Variants in FMNL3 observed in about 807,000 individuals in gnomAD.
FMNL3 encodes the protein formin-like protein 3.
Under a neutral mutation model 119.6 loss-of-function variants are expected in FMNL3, and 57 were observed. The observed-to-expected ratio is 0.48, with a 90% CI of 0.39 to 0.59. The LOEUF (loss-of-function observed/expected upper bound fraction) is 0.59. Ranked by LOEUF, FMNL3 falls within the 20% of genes least tolerant of loss-of-function variation. FMNL3 has a pLI of 0.00. For missense variants in FMNL3, 1,053 were observed against 1,323.5 expected, an observed-to-expected ratio of 0.80 and a Z score of 3.17; for synonymous variants, 491 against 507.3, an observed-to-expected ratio of 0.97 and a Z score of 0.43.
chr12:49,669,583 G>A (rs532967898), intron 1 of FMNL3, among the ~76,000 whole-genome samples: 1 of 152,306 alleles, frequency 6.6e-6, no homozygotes, highest in East Asian at 1.9e-4. Flanking sequence ...TGTAATCCCA[G>A]CACTTTGGGA....
intron 1 of FMNL3, among the ~76,000 whole-genome samples, chr12:49,686,895 C>G (rs1442115375): frequency 1.3e-5 from 2 of 152,164 alleles, no homozygotes; most frequent in Non-Finnish European, 2.9e-5. Context: ...CCACCTGAGG[C>G]TAGGAGCCAG....
intron 1 of FMNL3, among the ~76,000 whole-genome samples, chr12:49,692,605 C>T (rs1020690699): frequency 2.0e-5 from 3 of 152,084 alleles, no homozygotes; most frequent in African/African-American, 7.2e-5. Flanking sequence ...ATACAGTCTT[C>T]TAATTGCCTT....
At chr12:49,689,175 T>G (rs907136253) in intron 1 of FMNL3, among the ~76,000 whole-genome samples, 1 of 152,194 alleles carries the variant, frequency 6.6e-6, no homozygotes, top group African/African-American at 2.4e-5. Context: ...AAGAATTAGT[T>G]CAAAACTTGC....
In FMNL3 at chr12:49,637,061, C is replaced by T. The variant is rs368203210; in HGVS notation, c.*8754G>A. On this transcript the variant is annotated 3_prime_UTR_variant, in exon 26 of 26. Transcript: ENST00000335154. ...CTTCTAGGGAGACTAGATGTATGCA[C>T]CACCCAGAAACTGCCAGTAGAGAGC... is the stretch of plus-strand genomic sequence containing the variant. 268 of 729,550 alleles carry T rather than the reference C, an allele frequency of 3.7e-4. No individual in the cohort carries two copies. The African/African-American group carries it at 4.2e-3, about 12-fold the overall frequency. The allele number at this position is 729,550 out of a possible 1,614,324, so 45.2% of individuals were successfully genotyped here. A position where few individuals can be genotyped will look rare whatever the true frequency, so the allele number is the denominator to read the frequency against.
At chr12:49,672,475 A>G (rs1055133765) in intron 1 of FMNL3, among the ~76,000 whole-genome samples, 1 of 152,258 alleles carries the variant, frequency 6.6e-6, no homozygotes, top group African/African-American at 2.4e-5. Context: ...TAATGGGAAG[A>G]AGCCGAAAGG....
In FMNL3 at chr12:49,644,479, T is replaced by C. The variant is rs1024077449; in HGVS notation, c.*1336A>G. The C allele has an allele frequency of 1.4e-5, 6 of 426,952 alleles. No homozygotes were observed. The highest frequency in any genetic ancestry group is 1.2e-4 in the African/African-American group (6 of 49,676). The allele number at this position is 426,952 out of a possible 1,614,324, so 26.4% of individuals were successfully genotyped here. A position where few individuals can be genotyped will look rare whatever the true frequency, so the allele number is the denominator to read the frequency against. On this transcript the variant is annotated 3_prime_UTR_variant, in exon 26 of 26. Coordinates refer to ENST00000335154, the MANE Select transcript of FMNL3 (RefSeq NM_175736.5). ...GTAGATAAAAGTGTGAGAGAAGGGG[T>C]CTCCAGGGAAGAGTCACAGGCTGTT...
At chr12:49,672,555 C>T in intron 1 of FMNL3, among the ~76,000 whole-genome samples, 1 of 152,250 alleles carries the variant, frequency 6.6e-6, no homozygotes, top group East Asian at 1.9e-4. Context: ...TCTCCCTGCA[C>T]AATGGGGTGC....
At chr12:49,681,153 CT>C (rs1322088439) in intron 1 of FMNL3, among the ~76,000 whole-genome samples, 1 of 152,266 alleles carries the variant, frequency 6.6e-6, no homozygotes, top group Non-Finnish European at 1.5e-5. Flanking sequence ...TGCAAGGAAA[CT>C]TGTCCTCTTG....
In FMNL3 at chr12:49,687,096, C is replaced by CTTT. The variant is rs35284603; in HGVS notation, c.127-18545_127-18543dup. On this transcript the variant is annotated intron_variant, in intron 1 of 25. Transcript: ENST00000335154. ...TCTTATCTAAATATCTTCCCCATTCCTTTTTTTTTTTTTTTTGAGACGGAG... is the reference window on the plus strand; with the variant it reads ...TCTTATCTAAATATCTTCCCCATTCCTTTTTTTTTTTTTTTTTTTGAGACGGAG... Among the ~76,000 whole-genome samples, 51 of 142,358 alleles carry CTTT rather than the reference C, an allele frequency of 3.6e-4. 2 individuals are homozygous for CTTT. Among genetic ancestry groups the CTTT allele is most frequent in the African/African-American group, 7.0e-4 (27 of 38,822 alleles). 93.4% of individuals were successfully genotyped at this position (142,358 alleles called of 152,430 possible). A position where few individuals can be genotyped will look rare whatever the true frequency, so the allele number is the denominator to read the frequency against.
At chr12:49,672,080 G>T (rs931586561) in intron 1 of FMNL3, among the ~76,000 whole-genome samples, 1 of 152,184 alleles carries the variant, frequency 6.6e-6, no homozygotes, top group South Asian at 2.1e-4. Context: ...CCCCCTCACC[G>T]CCTGCTTCCT....
chr12:49,648,149 T>G, intron 22 of FMNL3, 44 bp downstream of exon 22: 1 of 1,571,634 alleles, frequency 6.4e-7, no homozygotes. Context: ...AGGGGCCTGG[T>G]GCCTTGGCCC....
chr12:49,647,145 C>T lies in FMNL3; in HGVS notation c.2871+131G>A. 6.4e-7 allele frequency: 1 copy of T among 1,554,074 alleles called. No homozygotes were observed. The highest frequency in any genetic ancestry group is 1.2e-5 in the South Asian group (1 of 86,054). ...CCCCAAAGGCCCTCCCTCCATCCCT[C>T]TGGATGCCAGCCCACTGGCCCTCTG... On this transcript the variant is annotated intron_variant, in intron 24 of 25. Transcript: ENST00000335154. The surrounding 1 kb of genome is among the most constrained non-coding windows in gnomAD (Gnocchi z 4.9).
At chr12:49,665,978 G>C in intron 3 of FMNL3, 70 bp from the exon 4 acceptor site, 2 of 1,559,690 alleles carry the variant, frequency 1.3e-6, no homozygotes, top group Non-Finnish European at 1.8e-6. Flanking sequence ...TTACTGGCCA[G>C]CCATTCCAGG....
chr12:49,683,303 C>A (rs1944382043), intron 1 of FMNL3, among the ~76,000 whole-genome samples: 1 of 152,172 alleles, frequency 6.6e-6, no homozygotes, highest in Admixed American at 6.5e-5. Flanking sequence ...AGACATTCCA[C>A]CCAGACTTCC....
intron 1 of FMNL3, among the ~76,000 whole-genome samples, chr12:49,677,192 T>C (rs570767832): frequency 3.7e-4 from 56 of 152,346 alleles, no homozygotes; most frequent in South Asian, 3.1e-3. Context: ...CCTAACAGTG[T>C]CTCTGCACAT....
chr12:49,666,235 C>T, intron 2 of FMNL3, 28 bp from the exon 3 acceptor site: 1 of 1,595,900 alleles, frequency 6.3e-7, no homozygotes, highest in South Asian at 1.1e-5. Context: ...ATATGCGTAT[C>T]CACAAAGACA....
intron 1 of FMNL3, among the ~76,000 whole-genome samples, chr12:49,673,822 C>T (rs1186465252): frequency 6.6e-6 from 1 of 152,266 alleles, no homozygotes; most frequent in Non-Finnish European, 1.5e-5. Flanking sequence ...GCCGCCTCCA[C>T]GTCACTGTTT....
chr12:49,707,313 C>T lies in FMNL3; in HGVS notation c.-133G>A. ...CGACTCCTCGGCCCCGTCGAGGGCG[C>T]CGGGGGTTCCCTGGAGTCCCGCTGG... On this transcript the variant is annotated 5_prime_UTR_variant, in exon 1 of 26. Coordinates refer to ENST00000335154, the MANE Select transcript of FMNL3 (RefSeq NM_175736.5). The T allele has an allele frequency of 1.2e-6, 1 of 834,446 alleles. No individual in the cohort carries two copies. Among genetic ancestry groups the T allele is most frequent in the Non-Finnish European group, 1.7e-6 (1 of 594,016 alleles). 51.7% of individuals were successfully genotyped at this position (834,446 alleles called of 1,614,324 possible).
chr12:49,662,526 A>G (rs1943764971), intron 4 of FMNL3, among the ~76,000 whole-genome samples: 1 of 152,262 alleles, frequency 6.6e-6, no homozygotes, highest in African/African-American at 2.4e-5. Context: ...GCTCTGGAAC[A>G]GAGGCATCCT....
Sources: allele counts gnomAD v4.1 joint callset (sites outside exome capture counted in the v4.1 genomes callset), GRCh38; gene constraint gnomAD v4.1.1; non-coding constraint Gnocchi (gnomAD v3.1); transcripts MANE v1.5; gene names NCBI Gene and HGNC (gene_info 2026-07-23, HGNC 2026-07-21).